The following ACTR3B variants were observed in gnomAD, a reference collection of about 807,000 sequenced individuals.
ACTR3B encodes actin-related protein 3B.
A neutral mutation model predicts 59.0 loss-of-function variants in ACTR3B; 8 were observed. The ratio of observed to expected loss-of-function variants is 0.14; its 90% CI spans 0.08 to 0.24. ACTR3B has a LOEUF of 0.24. ACTR3B is among the 10% of genes least tolerant of loss of function. The probability of loss-of-function intolerance (pLI) is 1.00; values close to 1 mark genes in which losing one functional copy is unlikely to be tolerated. For synonymous variants in ACTR3B, 148 were observed against 197.9 expected (o/e 0.75, Z 2.12); for missense variants, 245 against 552.3 (o/e 0.44, Z 5.58).
rs187397895 is a variant in ACTR3B, at chr7:152,761,866, C to T, written c.44+1940C>T. 2.3e-3 allele frequency among the ~76,000 whole-genome samples: 357 copies of T among 152,272 alleles called. 1 individual carries two copies. Among genetic ancestry groups the T allele is most frequent in the Admixed American group, 7.4e-3 (113 of 15,290 alleles). On this transcript the variant is annotated intron_variant, in intron 1 of 11. Transcript: ENST00000256001. ...AAATAACCAAGCCAAAGGAAAAGAA[C>T]GGACCTAGGAAGTCACCCTGAGCTT...
chr7:152,796,383 T>C (rs1288187931), intron 2 of ACTR3B, among the ~76,000 whole-genome samples: 1 of 151,352 alleles, frequency 6.6e-6, no homozygotes, highest in African/African-American at 2.4e-5. Context: ...TCTGGGTACC[T>C]GTTCAGTTCC....
intron 2 of ACTR3B, among the ~76,000 whole-genome samples, chr7:152,794,806 T>A (rs1225073342): frequency 6.6e-6 from 1 of 152,186 alleles, no homozygotes; most frequent in Non-Finnish European, 1.5e-5. Flanking sequence ...TCCTCTTCAC[T>A]TCTCATTTCA....
chr7:152,832,613 G>C (rs1377243991), intron 9 of ACTR3B, among the ~76,000 whole-genome samples: 1 of 152,036 alleles, frequency 6.6e-6, no homozygotes, highest in African/African-American at 2.4e-5. Context: ...TCCTGGGCTC[G>C]AGCCTCCCAA....
intron 4 of ACTR3B, chr7:152,813,608 T>C (rs1213542122): frequency 6.6e-6 from 1 of 152,220 alleles, no homozygotes; most frequent in Non-Finnish European, 1.5e-5. Context: ...TCTTGGTTCA[T>C]GTAGCCTTCA....
At chr7:152,783,378 A>G (rs1351869899) in intron 2 of ACTR3B, 136 bp downstream of exon 2, 1 of 620,142 alleles carries the variant, frequency 1.6e-6, no homozygotes, top group African/African-American at 1.9e-5. Flanking sequence ...TTACCCCACA[A>G]CTTTCTAGTC....
intron 9 of ACTR3B, among the ~76,000 whole-genome samples, chr7:152,825,817 C>A (rs1389875060): frequency 1.3e-5 from 2 of 151,754 alleles, no homozygotes; most frequent in African/African-American, 4.8e-5. Context: ...AAGTTAGAGC[C>A]CAAAATGGGA....
At chr7:152,802,068 G>A (rs2098238542) in intron 4 of ACTR3B, among the ~76,000 whole-genome samples, 2 of 152,024 alleles carry the variant, frequency 1.3e-5, no homozygotes, top group African/African-American at 4.8e-5. Context: ...CACCTCTTTG[G>A]ACATTTCCAT....
At chr7:152,828,009 C>T (rs1170495293) in intron 9 of ACTR3B, among the ~76,000 whole-genome samples, 1 of 150,902 alleles carries the variant, frequency 6.6e-6, no homozygotes, top group African/African-American at 2.4e-5. Flanking sequence ...TGCATTTATT[C>T]AGTTCTGCCA....
At chr7:152,765,561 T>C (rs1316690780) in intron 1 of ACTR3B, among the ~76,000 whole-genome samples, 2 of 152,020 alleles carry the variant, frequency 1.3e-5, no homozygotes, top group African/African-American at 4.8e-5. Flanking sequence ...GGTTACAGGA[T>C]TGCTTTCATG....
rs918328327 is a variant in ACTR3B at position 152,849,111 on chromosome 7, G to A, written c.952-3015G>A. 3.3e-5 allele frequency among the ~76,000 whole-genome samples: 5 copies of A among 152,202 alleles called. No homozygotes were observed. The South Asian group carries it at 1.0e-3, about 31-fold the overall frequency. ...AGCGGTTTCCTTGGTTGGCCACGCC[G>A]ACAGAGTTTTGAGAAAGCAAACAAG... On this transcript the variant is annotated intron_variant, in intron 9 of 11. Transcript: ENST00000256001.
intron 9 of ACTR3B, among the ~76,000 whole-genome samples, chr7:152,830,249 G>A (rs1030170757): frequency 2.0e-5 from 3 of 152,162 alleles, no homozygotes; most frequent in African/African-American, 7.2e-5. Flanking sequence ...TGCCTGCGGT[G>A]CCTGTTTTGA....
At chr7:152,821,623 C>T (rs564038435) in intron 7 of ACTR3B, among the ~76,000 whole-genome samples, 110 of 152,322 alleles carry the variant, frequency 7.2e-4, no homozygotes, top group African/African-American at 2.0e-3. Flanking sequence ...ACTCTCCACA[C>T]GGGCTGTTGG....
chr7:152,798,926 C>T (rs2689451), intron 2 of ACTR3B, among the ~76,000 whole-genome samples: 14 of 152,126 alleles, frequency 9.2e-5, no homozygotes, highest in South Asian at 6.2e-4. Context: ...TCAGGTAGTG[C>T]GATCCCTCCA....
intron 2 of ACTR3B, among the ~76,000 whole-genome samples, chr7:152,790,390 C>T (rs2098191690): frequency 1.3e-5 from 2 of 152,208 alleles, no homozygotes; most frequent in South Asian, 4.1e-4. Flanking sequence ...TCTTTGTTGC[C>T]CAGGCTGGTC....
At chr7:152,793,686 C>G (rs2098205480) in intron 2 of ACTR3B, among the ~76,000 whole-genome samples, 2 of 125,050 alleles carry the variant, frequency 1.6e-5, no homozygotes, top group Admixed American at 8.1e-5. Context: ...GTGGCATTGT[C>G]TATTCATTGT....
In ACTR3B at chr7:152,854,860, T is replaced by C; in HGVS notation, c.*307T>C. The C allele has an allele frequency of 3.6e-6, 1 of 278,492 alleles. No individual in the cohort carries two copies. The highest frequency in any genetic ancestry group is 6.7e-6 in the Non-Finnish European group (1 of 148,610). 17.3% of individuals were successfully genotyped at this position (278,492 alleles called of 1,614,324 possible). On this transcript the variant is annotated 3_prime_UTR_variant, in exon 12 of 12. Coordinates refer to ENST00000256001, the MANE Select transcript of ACTR3B (RefSeq NM_020445.6). The surrounding 1 kb of genome is among the most constrained non-coding windows in gnomAD (Gnocchi z 4.9). ...AATCCAAATGTGACTTTGAAAATTG[T>C]TAGAGAAAACAACATTAGAAAATGG...
rs56697870 is a variant in ACTR3B at position 152,774,849 on chromosome 7, A to G, written c.45-8338A>G. ...TTGGTCATGTAATTTACATTGCACA[A>G]TATGGAGATTGTGCGTTGCTTTAAA... On this transcript the variant is annotated intron_variant, in intron 1 of 11. Coordinates refer to ENST00000256001, the MANE Select transcript of ACTR3B (RefSeq NM_020445.6). 9.0e-3 allele frequency among the ~76,000 whole-genome samples: 1,367 copies of G among 152,332 alleles called. 15 individuals carry two copies. The highest frequency in any genetic ancestry group is 0.033 in the East Asian group (171 of 5,188).
intron 9 of ACTR3B, among the ~76,000 whole-genome samples, chr7:152,845,112 C>T (rs1490056502): frequency 5.3e-5 from 8 of 150,414 alleles, no homozygotes; most frequent in South Asian, 2.1e-4. Flanking sequence ...TTAATCGACT[C>T]GGTTTAGGGA....
intron 2 of ACTR3B, among the ~76,000 whole-genome samples, chr7:152,794,521 T>TA (rs1473139623): frequency 2.6e-5 from 4 of 152,248 alleles, no homozygotes; most frequent in African/African-American, 9.6e-5. Context: ...CGGCTATCTT[T>TA]ACAATCTTTT....
Sources: gnomAD v4.1 joint callset for allele counts (sites outside exome capture counted in the v4.1 genomes callset) on GRCh38, gnomAD v4.1.1 for gene constraint, Gnocchi (gnomAD v3.1) non-coding constraint, MANE v1.5 for transcripts, NCBI Gene and HGNC (gene_info 2026-07-23, HGNC 2026-07-21) for gene names.